KRAS: variants seen among roughly 807,000 people sequenced by gnomAD.
KRAS encodes the protein GTPase KRas.
A neutral mutation model predicts 21.0 loss-of-function variants in KRAS; 1 was observed. The observed-to-expected ratio is 0.05, with a 90% CI of 0.02 to 0.23. The LOEUF is 0.23. Ranked by LOEUF, KRAS falls within the 10% of genes least tolerant of loss-of-function variation. The pLI, the probability that KRAS is intolerant of heterozygous loss-of-function variation, is 1.00. For missense variants in KRAS, 107 were observed against 221.8 expected (o/e 0.48, Z 3.29); for synonymous variants, 67 against 72.5 (o/e 0.92, Z 0.39).
At position 25,225,860 on chromosome 12, in the gene KRAS, G is replaced by A. The variant is rs111830280; in HGVS notation, c.291-87C>T. On this transcript the variant is annotated intron_variant, in intron 3 of 4. Coordinates refer to ENST00000311936, the MANE Select transcript of KRAS (RefSeq NM_004985.5). ...TCCACAACTTTTGTCATAAAATTTG[G>A]CTGAAAGAAAACAATGTAATTCCTA... 1.5e-5 allele frequency: 20 copies of A among 1,331,224 alleles called. No homozygotes were observed. In the African/African-American group the frequency reaches 2.2e-4, roughly 14 times the overall value. 82.5% of individuals were successfully genotyped at this position (1,331,224 alleles called of 1,614,324 possible).
chr12:25,231,276 A>G (rs1253385282), intron 2 of KRAS, among the ~76,000 whole-genome samples: 5 of 151,322 alleles, frequency 3.3e-5, no homozygotes, highest in Non-Finnish European at 7.4e-5. Context: ...TAATTTTTGT[A>G]TTTTTAGTAC....
At chr12:25,239,622 G>T (rs534919668) in intron 2 of KRAS, among the ~76,000 whole-genome samples, 2 of 152,108 alleles carry the variant, frequency 1.3e-5, no homozygotes, top group Non-Finnish European at 2.9e-5. Context: ...TTCTCACTGC[G>T]GGAGAAAGAA....
chr12:25,226,723 T>C (rs1220525471), intron 3 of KRAS, among the ~76,000 whole-genome samples: 1 of 152,216 alleles, frequency 6.6e-6, no homozygotes, highest in Non-Finnish European at 1.5e-5. Flanking sequence ...ATTATTTTAA[T>C]AGTTTTATGC....
chr12:25,222,469 A>T lies in KRAS; in HGVS notation c.450+3145T>A, dbSNP rs1951339191. ...TTTAATAATAAAAGGAAATCAAAGAACAGAAATTAAATATCTAATTTATAG... is the reference window on the plus strand; with the variant it reads ...TTTAATAATAAAAGGAAATCAAAGATCAGAAATTAAATATCTAATTTATAG... On this transcript the variant is annotated intron_variant, in intron 4 of 4. Coordinates refer to ENST00000311936, the MANE Select transcript of KRAS (RefSeq NM_004985.5). 2.6e-5 allele frequency among the ~76,000 whole-genome samples: 4 copies of T among 152,250 alleles called. No homozygotes were observed. The South Asian group carries it at 8.3e-4, about 32-fold the overall frequency.
intron 4 of KRAS, among the ~76,000 whole-genome samples, chr12:25,217,367 CTTTAAT>C (rs996261599): frequency 6.6e-6 from 1 of 152,112 alleles, no homozygotes; most frequent in African/African-American, 2.4e-5. Flanking sequence ...TAAAGTCAAA[CTTTAAT>C]TTAAATTCAT....
At chr12:25,219,680 A>G (rs1182351866) in intron 4 of KRAS, among the ~76,000 whole-genome samples, 2 of 152,214 alleles carry the variant, frequency 1.3e-5, no homozygotes, top group Non-Finnish European at 2.9e-5. Context: ...CACTTTCTCA[A>G]GAAACCTTGC....
chr12:25,224,688 A>T (rs528694314), intron 4 of KRAS, among the ~76,000 whole-genome samples: 1 of 152,294 alleles, frequency 6.6e-6, no homozygotes, highest in Admixed American at 6.5e-5. Flanking sequence ...TGTGTTAACA[A>T]TTGCCTTATA....
chr12:25,240,165 C>T (rs2135799911), intron 2 of KRAS, among the ~76,000 whole-genome samples: 1 of 152,208 alleles, frequency 6.6e-6, no homozygotes, highest in South Asian at 2.1e-4. Context: ...CTTATTTCTA[C>T]TAATTTCTAT....
rs1390659739 is a variant in KRAS, at chr12:25,207,533, T to C, written c.*2262A>G. 3 of 215,902 alleles carry C rather than the reference T, an allele frequency of 1.4e-5. No individual in the cohort carries two copies. The allele number at this position is 215,902 out of a possible 1,614,324, so 13.4% of individuals were successfully genotyped here. On this transcript the variant is annotated 3_prime_UTR_variant, in exon 5 of 5. Transcript: ENST00000311936. The stretch of plus-strand genomic sequence containing the variant: ...CTGACACCAAAAAAAAAAAGTAAGC[T>C]TCATGAATTAAAGTATTTTTCATTG...
At chr12:25,248,012 GA>G (rs1196656412) in intron 1 of KRAS, among the ~76,000 whole-genome samples, 1 of 151,874 alleles carries the variant, frequency 6.6e-6, no homozygotes, top group Non-Finnish European at 1.5e-5. Flanking sequence ...ACAAATCAAA[GA>G]TTTTTTTTAA....
In KRAS at chr12:25,218,149, A is replaced by G. The variant is rs146736406; in HGVS notation, c.450+7465T>C. On this transcript the variant is annotated intron_variant, in intron 4 of 4. Coordinates refer to ENST00000311936, the MANE Select transcript of KRAS (RefSeq NM_004985.5). The stretch of plus-strand genomic sequence containing the variant: ...GTAAGAAATTTAAAAATATGTGTAT[A>G]TATATACGCACACACACAAACCAGG... 4.5e-3 allele frequency among the ~76,000 whole-genome samples: 686 copies of G among 152,250 alleles called. 2 individuals carry two copies. The highest frequency in any genetic ancestry group is 7.3e-3 in the Non-Finnish European group (498 of 68,006).
chr12:25,209,464 A>C lies in KRAS; in HGVS notation c.*331T>G, dbSNP rs1364299908. 1 of 1,213,816 alleles carries C rather than the reference A, an allele frequency of 8.2e-7. No homozygotes were observed. Among genetic ancestry groups the C allele is most frequent in the Non-Finnish European group, 1.1e-6 (1 of 946,892 alleles). The allele number at this position is 1,213,816 out of a possible 1,614,324, so 75.2% of individuals were successfully genotyped here. A position where few individuals can be genotyped will look rare whatever the true frequency, so the allele number is the denominator to read the frequency against. The stretch of plus-strand genomic sequence containing the variant: ...TAGGGATGATTCAAAAGCTTCATTA[A>C]TTTGTTTCACACCAACATTCACAAT... On this transcript the variant is annotated 3_prime_UTR_variant, in exon 5 of 5. Transcript: ENST00000311936.
At chr12:25,244,756 C>T (rs895997708) in intron 2 of KRAS, among the ~76,000 whole-genome samples, 2 of 151,796 alleles carry the variant, frequency 1.3e-5, no homozygotes, top group African/African-American at 4.8e-5. Context: ...GGTAATAGTA[C>T]CTTTATATAA....
At position 25,209,202 on chromosome 12, in the gene KRAS, A is replaced by G. The variant is rs1305093037; in HGVS notation, c.*593T>C. 6 of 671,530 alleles carry G rather than the reference A, an allele frequency of 8.9e-6. No individual in the cohort carries two copies. The highest frequency in any genetic ancestry group is 3.6e-5 in the African/African-American group (2 of 55,952). The allele number at this position is 671,530 out of a possible 1,614,324, so 41.6% of individuals were successfully genotyped here. A position where few individuals can be genotyped will look rare whatever the true frequency, so the allele number is the denominator to read the frequency against. ...ATTTTTTTCTTTTTATAGAAAAAAT[A>G]TAATATTTTGGGGAGAGTGACCATG... On this transcript the variant is annotated 3_prime_UTR_variant, in exon 5 of 5. Coordinates refer to ENST00000311936, the MANE Select transcript of KRAS (RefSeq NM_004985.5).
intron 2 of KRAS, among the ~76,000 whole-genome samples, chr12:25,227,763 T>C (rs925789305): frequency 6.6e-5 from 10 of 152,172 alleles, no homozygotes; most frequent in Non-Finnish European, 4.4e-5. Context: ...GAATGTAAAA[T>C]GGTGATGCCA....
intron 1 of KRAS, 78 bp from the exon 2 acceptor site, chr12:25,245,473 C>A (rs2135806573): frequency 3.0e-6 from 4 of 1,354,638 alleles, no homozygotes; most frequent in Non-Finnish European, 4.1e-6. Context: ...AAATACTCCA[C>A]CAGTACCTTT....
At chr12:25,219,961 G>T (rs905877988) in intron 4 of KRAS, among the ~76,000 whole-genome samples, 3 of 152,146 alleles carry the variant, frequency 2.0e-5, no homozygotes, top group African/African-American at 7.2e-5. Context: ...ACCAGGAAAT[G>T]AATCACTCAA....
chr12:25,205,264 A>T lies in KRAS; in HGVS notation c.*4531T>A. On this transcript the variant is annotated 3_prime_UTR_variant, in exon 5 of 5. Transcript: ENST00000311936. ...ACTCATAGTCACTGTAACTATTTTTATTACATTACAATAATTAGGAGTAGT... is the reference window on the plus strand; with the variant it reads ...ACTCATAGTCACTGTAACTATTTTTTTTACATTACAATAATTAGGAGTAGT... 4.7e-6 allele frequency: 1 copy of T among 214,964 alleles called. No homozygotes were observed. Among genetic ancestry groups the T allele is most frequent in the Non-Finnish European group, 9.4e-6 (1 of 106,368 alleles). The allele number at this position is 214,964 out of a possible 1,614,324, so 13.3% of individuals were successfully genotyped here. A position where few individuals can be genotyped will look rare whatever the true frequency, so the allele number is the denominator to read the frequency against.
chr12:25,235,697 A>G (rs1951536744), intron 2 of KRAS, among the ~76,000 whole-genome samples: 1 of 152,200 alleles, frequency 6.6e-6, no homozygotes, highest in Admixed American at 6.5e-5. Context: ...AGGAAGGAGC[A>G]AACAGAATGT....
Sources: allele counts gnomAD v4.1 joint callset (sites outside exome capture counted in the v4.1 genomes callset), GRCh38; gene constraint gnomAD v4.1.1; transcripts MANE v1.5; gene names NCBI Gene and HGNC (gene_info 2026-07-23, HGNC 2026-07-21).